Variants in STPG2 observed in about 807,000 individuals in gnomAD.
The protein encoded by STPG2 is sperm-tail PG-rich repeat-containing protein 2.
In STPG2, 56 loss-of-function variants were observed where a neutral mutation model predicts 54.2. That is an observed-to-expected ratio of 1.03 (90% CI 0.83 to 1.29). The LOEUF is 1.29. Ranked by LOEUF, STPG2 falls within the 50% of genes most tolerant of loss-of-function variation. The pLI, the probability that STPG2 is intolerant of heterozygous loss-of-function variation, is 0.00. For missense variants in STPG2, 596 were observed against 544.9 expected, an observed-to-expected ratio of 1.09 and a Z score of -0.93; for synonymous variants, 200 against 181.8, an observed-to-expected ratio of 1.10 and a Z score of -0.81.
At chr4:97,495,112 ATATAATAAAC>A (rs1454261864) in intron 4 of STPG2, among the ~76,000 whole-genome samples, 2 of 151,688 alleles carry the variant, frequency 1.3e-5, no homozygotes, top group African/African-American at 4.8e-5. Flanking sequence ...GAATATAGAT[ATATAATAAAC>A]ATTTTAAAAG....
intron 5 of STPG2, among the ~76,000 whole-genome samples, chr4:98,049,605 A>C (rs1737249759): frequency 6.6e-6 from 1 of 152,222 alleles, no homozygotes; most frequent in Non-Finnish European, 1.5e-5. Context: ...GCAACAATTT[A>C]TCTTTTGAAA....
intron 7 of STPG2, among the ~76,000 whole-genome samples, chr4:97,945,700 C>G (rs566039769): frequency 6.6e-6 from 1 of 151,870 alleles, no homozygotes; most frequent in South Asian, 2.1e-4. Context: ...ATTCTCTTTT[C>G]AAGACCCCAA....
At chr4:97,560,898 C>T (rs954143292) in intron 10 of STPG2, among the ~76,000 whole-genome samples, 11 of 152,274 alleles carry the variant, frequency 7.2e-5, no homozygotes, top group Admixed American at 2.0e-4. Flanking sequence ...AAAGAAATGA[C>T]CCCAATAAAC....
At chr4:97,843,016 A>G (rs1376259700) in intron 8 of STPG2, among the ~76,000 whole-genome samples, 1 of 151,896 alleles carries the variant, frequency 6.6e-6, no homozygotes, top group African/African-American at 2.4e-5. Flanking sequence ...ACACCTATAT[A>G]CCATATAGTA....
intron 8 of STPG2, among the ~76,000 whole-genome samples, chr4:97,897,887 C>T (rs553302915): frequency 5.7e-4 from 87 of 151,530 alleles, no homozygotes; most frequent in Non-Finnish European, 1.1e-3. Flanking sequence ...CCTCCTTTGC[C>T]ATGCAGAAGC....
intron 9 of STPG2, among the ~76,000 whole-genome samples, chr4:97,779,200 T>C (rs902134230): frequency 6.6e-6 from 1 of 152,114 alleles, no homozygotes; most frequent in Non-Finnish European, 1.5e-5. Flanking sequence ...ATTAGATGAA[T>C]GGCTAACTAG....
chr4:97,480,383 C>T (rs962432927), intron 4 of STPG2, among the ~76,000 whole-genome samples: 4 of 151,368 alleles, frequency 2.6e-5, no homozygotes, highest in Admixed American at 6.6e-5. Flanking sequence ...TTTTATCAGA[C>T]GTGTAATAGA....
chr4:97,641,667 C>A (rs779866202), intron 10 of STPG2, among the ~76,000 whole-genome samples: 59 of 151,088 alleles, frequency 3.9e-4, no homozygotes, highest in South Asian at 4.2e-4. Context: ...CTTCTTTCAA[C>A]TTTTGTATGT....
Position 97,618,230 on chromosome 4 carries a change from C to T in STPG2, c.1321-59113G>A, listed in dbSNP as rs147316174. Among the ~76,000 whole-genome samples the T allele has an allele frequency of 2.3e-3, 350 of 152,168 alleles. 3 individuals carry two copies. In the Middle Eastern group the frequency reaches 0.034, roughly 15 times the overall value. ...GCTTCTGCCTGGGTCTCTTAGAATGCGCCTTTTTGGGAAGCTTCCTCTGGT... is the reference window on the plus strand; with the variant it reads ...GCTTCTGCCTGGGTCTCTTAGAATGTGCCTTTTTGGGAAGCTTCCTCTGGT... On this transcript the variant is annotated intron_variant, in intron 10 of 10. Transcript: ENST00000295268.
intron 10 of STPG2, among the ~76,000 whole-genome samples, chr4:97,690,718 TG>T (rs1349106674): frequency 6.6e-6 from 1 of 152,186 alleles, no homozygotes. Flanking sequence ...TTAATTTACA[TG>T]ATTCCATTAA....
At chr4:97,635,226 T>A (rs1044704753) in intron 10 of STPG2, among the ~76,000 whole-genome samples, 2 of 152,178 alleles carry the variant, frequency 1.3e-5, no homozygotes, top group Non-Finnish European at 2.9e-5. Context: ...CAGAATTTCA[T>A]ATCCAGCCAA....
rs538633716 is a variant in STPG2, at chr4:97,706,356, T to C, written c.1320+6343A>G. Among the ~76,000 whole-genome samples, 69 of 152,264 alleles carry C rather than the reference T, an allele frequency of 4.5e-4. 1 individual carries two copies. The highest frequency in any genetic ancestry group is 1.9e-3 in the Admixed American group (29 of 15,280). On this transcript the variant is annotated intron_variant, in intron 10 of 10. Transcript: ENST00000295268. ...CCCTAGTGTGATAGTATTAGAAAGT[T>C]GGCATTTGTAGGTCCTGAGGTAGAG...
chr4:97,504,103 A>C (rs1038710473), intron 4 of STPG2, among the ~76,000 whole-genome samples: 1 of 143,170 alleles, frequency 7.0e-6, no homozygotes, highest in African/African-American at 2.5e-5. Flanking sequence ...ATATTTAATA[A>C]ATAAATAAAT....
intron 10 of STPG2, among the ~76,000 whole-genome samples, chr4:97,648,311 A>G (rs959185233): frequency 6.6e-6 from 1 of 152,162 alleles, no homozygotes; most frequent in African/African-American, 2.4e-5. Flanking sequence ...CTGCTGCAAT[A>G]TGCAGATCTC....
intron 4 of STPG2, among the ~76,000 whole-genome samples, chr4:97,540,362 C>A (rs1285726324): frequency 6.6e-6 from 1 of 152,134 alleles, no homozygotes; most frequent in African/African-American, 2.4e-5. Flanking sequence ...TGCAAATAAA[C>A]TAGAAAATGT....
intron 10 of STPG2, among the ~76,000 whole-genome samples, chr4:97,594,601 C>T (rs1733232733): frequency 6.6e-6 from 1 of 152,138 alleles, no homozygotes; most frequent in Non-Finnish European, 1.5e-5. Context: ...GAAAATTTCT[C>T]CAACCTCACC....
rs189159615 is a variant in STPG2, at chr4:97,924,180, C to T, written c.1044+19717G>A. Among the ~76,000 whole-genome samples the T allele has an allele frequency of 5.6e-3, 849 of 152,264 alleles. 34 individuals carry two copies. Among genetic ancestry groups the T allele is most frequent in the Non-Finnish European group, 1.4e-3 (96 of 68,014 alleles). On this transcript the variant is annotated intron_variant, in intron 8 of 10. Transcript: ENST00000295268. The stretch of plus-strand genomic sequence containing the variant: ...CAGAAGGAAGAAACCCTGAACACAT[C>T]CGAACATCAGAAGGAACAAACTCCG...
chr4:97,718,486 G>A (rs972879414), intron 9 of STPG2, among the ~76,000 whole-genome samples: 1 of 151,942 alleles, frequency 6.6e-6, no homozygotes, highest in African/African-American at 2.4e-5. Context: ...TATTTATTTA[G>A]TGAGAAGCCA....
At chr4:97,991,909 G>T (rs969824246) in intron 5 of STPG2, among the ~76,000 whole-genome samples, 5 of 151,800 alleles carry the variant, frequency 3.3e-5, no homozygotes, top group Non-Finnish European at 2.9e-5. Context: ...ATCTTCTTTT[G>T]AGAATTGTCT....
Sources: gnomAD v4.1 joint callset for allele counts (sites outside exome capture counted in the v4.1 genomes callset) on GRCh38, gnomAD v4.1.1 for gene constraint, MANE v1.5 for transcripts, NCBI Gene and HGNC (gene_info 2026-07-23, HGNC 2026-07-21) for gene names.